Variants in FAM120C observed in about 807,000 individuals in gnomAD.
FAM120C encodes the protein family with sequence similarity 120 member C, also known as constitutive coactivator of PPAR-gamma-like protein 2.
Under a neutral mutation model 71.2 loss-of-function variants are expected in FAM120C, and 14 were observed. The observed-to-expected ratio is 0.20, with a 90% confidence interval of 0.13 to 0.31. FAM120C has a LOEUF of 0.31. Among genes scored for constraint, FAM120C ranks in the 10% least tolerant of loss-of-function variants. The probability of loss-of-function intolerance (pLI) is 1.00; values close to 1 mark genes in which losing one functional copy is unlikely to be tolerated. For missense variants in FAM120C, 500 were observed against 879.0 expected (o/e 0.57, Z 5.45); for synonymous variants, 354 against 353.2 (o/e 1.00, Z -0.03).
intron 8 of FAM120C, 144 bp from the exon 9 acceptor site, chrX:54,133,007 C>T (rs782249723): frequency 2.3e-6 from 1 of 431,729 alleles, no homozygotes; most frequent in African/African-American, 2.5e-5. Flanking sequence ...TAAAAAGAAG[C>T]TGTAACAAGC....
Position 54,085,855 on chromosome X carries a change from T to C in FAM120C, c.2699A>G (p.Asn900Ser). The C allele has an allele frequency of 8.3e-7, 1 of 1,211,562 alleles. No homozygotes were observed. Among genetic ancestry groups the C allele is most frequent in the Non-Finnish European group, 1.1e-6 (1 of 895,438 alleles). The change falls in exon 13 of 16, where the codon AAT becomes AGT. Residue 900 changes from asparagine to serine, a missense_variant. Coordinates refer to ENST00000375180, the MANE Select transcript of FAM120C (RefSeq NM_017848.6). ...RQSILEGVNM[N>S]HPPPSALLPS... ...AAGTAGAGCAGAAGGCGGTGGATGA[T>C]TCATGTTGACTCCTTCAAGGATGCT...
chrX:54,092,245 GA>G (rs1199602184), intron 10 of FAM120C, among the ~76,000 whole-genome samples: 3 of 110,636 alleles, frequency 2.7e-5, no homozygotes, highest in Non-Finnish European at 5.7e-5. Context: ...GGTTACTAAA[GA>G]AAAAAATGAA....
Position 54,165,734 on chromosome X carries a change from G to A in FAM120C, c.700-6118C>T, listed in dbSNP as rs782619941. Among the ~76,000 whole-genome samples the A allele has an allele frequency of 9.1e-5, 10 of 109,761 alleles. 1 individual carries two copies. Among genetic ancestry groups the A allele is most frequent in the South Asian group, 7.8e-4 (2 of 2,567 alleles). On this transcript the variant is annotated intron_variant, in intron 1 of 15. Transcript: ENST00000375180. ...AGCGGTTGTAGTGAGCCAAGACCGC[G>A]CCACTGCACTCCAGCCTGGGCAACA... is the stretch of plus-strand genomic sequence containing the variant.
chrX:54,160,254 TA>T (rs1417091377), intron 1 of FAM120C, among the ~76,000 whole-genome samples: 1 of 111,206 alleles, frequency 9.0e-6, no homozygotes, highest in Admixed American at 9.6e-5. Flanking sequence ...AATCTAAGTT[TA>T]TCTAACTGTT....
Position 54,183,154 on chromosome X carries a change from G to A in FAM120C, c.45C>T (p.Pro15=). Residue 15 remains proline (P), a synonymous_variant, in exon 1 of 16, where the codon CCC becomes CCT. Coordinates refer to ENST00000375180, the MANE Select transcript of FAM120C (RefSeq NM_017848.6). ...GFQEFLEKRC[P]GAVVPVDLLK... ...GGAGGTCCACGGGCACCACGGCCCC[G>A]GGACAGCGCTTCTCCAGGAACTCTT... 8.7e-7 allele frequency: 1 copy of A among 1,148,755 alleles called. No homozygotes were observed. 94.7% of individuals were successfully genotyped at this position (1,148,755 alleles called of 1,213,427 possible). A position where few individuals can be genotyped will look rare whatever the true frequency, so the allele number is the denominator to read the frequency against.
intron 1 of FAM120C, among the ~76,000 whole-genome samples, chrX:54,182,181 G>A (rs1409677271): frequency 6.2e-5 from 7 of 112,004 alleles, no homozygotes; most frequent in African/African-American, 2.3e-4. Context: ...GAAAGATGAG[G>A]CTACAAAAGA....
At chrX:54,099,467 T>C in intron 10 of FAM120C, among the ~76,000 whole-genome samples, 1 of 112,196 alleles carries the variant, frequency 8.9e-6, no homozygotes, top group Non-Finnish European at 1.9e-5. Context: ...TAGTCTTGTT[T>C]CTAGCACACA....
chrX:54,155,317 CAG>C (rs782418199), intron 3 of FAM120C, among the ~76,000 whole-genome samples: 13 of 112,162 alleles, frequency 1.2e-4, no homozygotes, highest in African/African-American at 4.2e-4. Context: ...GAAGCAGCAA[CAG>C]AGACTGGGAA....
intron 10 of FAM120C, among the ~76,000 whole-genome samples, chrX:54,097,888 G>A (rs967402829): frequency 1.0e-4 from 11 of 109,940 alleles, no homozygotes; most frequent in Non-Finnish European, 1.5e-4. Flanking sequence ...TACCACGCCC[G>A]GCTAATTTTT....
At chrX:54,115,803 G>A (rs1347996335) in intron 10 of FAM120C, among the ~76,000 whole-genome samples, 1 of 111,961 alleles carries the variant, frequency 8.9e-6, no homozygotes, top group Non-Finnish European at 1.9e-5. Flanking sequence ...AAAAGAAACA[G>A]GCCGGGCGGG....
At chrX:54,181,475 A>G (rs970185834) in intron 1 of FAM120C, among the ~76,000 whole-genome samples, 6 of 112,173 alleles carry the variant, frequency 5.3e-5, no homozygotes, top group African/African-American at 9.7e-5. Flanking sequence ...AGTGGTGCCA[A>G]GAACTGGGGA....
intron 4 of FAM120C, among the ~76,000 whole-genome samples, chrX:54,147,091 G>A (rs782210849): frequency 2.7e-5 from 3 of 111,022 alleles, no homozygotes; most frequent in South Asian, 3.8e-4. Context: ...CGAGGCGGAC[G>A]GATCACCTGA....
In FAM120C at chrX:54,091,373, G is replaced by C. The variant is rs782392527; in HGVS notation, c.2366C>G (p.Thr789Ser). Reference protein sequence around the residue: ...GRILHRHELDTFLAQAVSTQL... With the variant: ...GRILHRHELDSFLAQAVSTQL... Reference sequence around the variant, plus strand: ...GGTAGACACTGCCTGTGCAAGGAAGGTGTCTAGCTCATGGCGATGCAGGAT... The same window carrying C: ...GGTAGACACTGCCTGTGCAAGGAAGCTGTCTAGCTCATGGCGATGCAGGAT... Residue 789 changes from threonine to serine, a missense_variant, in exon 11 of 16, where the codon ACC becomes AGC. This residue lies in a region of FAM120C where 104 missense variants were observed against 254.5 expected (regional missense o/e 0.41). Coordinates refer to ENST00000375180, the MANE Select transcript of FAM120C (RefSeq NM_017848.6). The C allele has an allele frequency of 8.3e-7, 1 of 1,209,863 alleles. No homozygotes were observed. The highest frequency in any genetic ancestry group is 1.7e-5 in the African/African-American group (1 of 57,463).
intron 10 of FAM120C, among the ~76,000 whole-genome samples, chrX:54,114,311 T>C (rs1406540347): frequency 8.9e-6 from 1 of 111,800 alleles, no homozygotes; most frequent in Non-Finnish European, 1.9e-5. Flanking sequence ...ATGGGTACAA[T>C]GTACACTATT....
At chrX:54,159,856 G>A (rs1557134194) in intron 1 of FAM120C, among the ~76,000 whole-genome samples, 2 of 106,103 alleles carry the variant, frequency 1.9e-5, no homozygotes, top group African/African-American at 6.9e-5. Flanking sequence ...TCCCGCCTTG[G>A]CCTCCCAAAG....
At position 54,069,068 on chromosome X, in the gene FAM120C, T is replaced by A. The variant is rs1435555537; in HGVS notation, c.*3965A>T. ...GGCACCCTAGCACAGGGGATTTTTT[T>A]ATTTTGCTTTTAACTTGGAAAAGAT... On this transcript the variant is annotated 3_prime_UTR_variant, in exon 16 of 16. Coordinates refer to ENST00000375180, the MANE Select transcript of FAM120C (RefSeq NM_017848.6). The A allele has an allele frequency of 1.8e-5, 2 of 111,968 alleles. No homozygotes were observed. The highest frequency in any genetic ancestry group is 3.8e-5 in the Non-Finnish European group (2 of 53,229). 9.2% of individuals were successfully genotyped at this position (111,968 alleles called of 1,213,427 possible).
At chrX:54,097,259 T>C (rs1016613825) in intron 10 of FAM120C, among the ~76,000 whole-genome samples, 2 of 112,037 alleles carry the variant, frequency 1.8e-5, no homozygotes, top group Non-Finnish European at 3.8e-5. Context: ...TCTCTGTTCC[T>C]GCCTTTCCAG....
In FAM120C at chrX:54,091,239, GAAAA is replaced by G. The variant is rs1159405323; in HGVS notation, c.2427+69_2427+72del. 6.6e-6 allele frequency: 4 copies of G among 602,437 alleles called. No homozygotes were observed. In the East Asian group the frequency reaches 1.6e-4, roughly 24 times the overall value. 49.6% of individuals were successfully genotyped at this position (602,437 alleles called of 1,213,427 possible). On this transcript the variant is annotated intron_variant, in intron 11 of 15. Transcript: ENST00000375180. ...AACTTACTATTTTCCTCAGCTTCAG[GAAAA>G]AAAAAAGACCTAAAGTAGTGCCATA...
intron 1 of FAM120C, among the ~76,000 whole-genome samples, chrX:54,167,530 A>G (rs2067265850): frequency 9.0e-6 from 1 of 111,517 alleles, no homozygotes; most frequent in Non-Finnish European, 1.9e-5. Flanking sequence ...GGGCCTACTA[A>G]GTGCCAGGAT....
Sources: gnomAD v4.1 joint callset for allele counts (sites outside exome capture counted in the v4.1 genomes callset) on GRCh38, gnomAD v4.1.1 for gene constraint, gnomAD v4.1.1 regional missense constraint, MANE v1.5 for transcripts, NCBI Gene and HGNC (gene_info 2026-07-23, HGNC 2026-07-21) for gene names.